Variants in MCUR1 observed in about 807,000 individuals in gnomAD.
MCUR1 encodes the protein MCU regulator 1.
In MCUR1, 37 loss-of-function variants were observed where a neutral mutation model predicts 42.0. The observed-to-expected ratio is 0.88, with a 90% confidence interval of 0.68 to 1.16. The LOEUF (loss-of-function observed/expected upper bound fraction) is 1.16. Ranked by LOEUF, MCUR1 falls within the 50% of genes most tolerant of loss-of-function variation. The pLI, the probability that MCUR1 is intolerant of heterozygous loss-of-function variation, is 0.00. For synonymous variants in MCUR1, 229 were observed against 196.2 expected (o/e 1.17, Z -1.40); for missense variants, 469 against 468.4 (o/e 1.00, Z -0.01).
intron 6 of MCUR1, among the ~76,000 whole-genome samples, chr6:13,797,170 A>G (rs1021883189): frequency 6.6e-6 from 1 of 152,214 alleles, no homozygotes; most frequent in African/African-American, 2.4e-5. Flanking sequence ...TCATTATAGC[A>G]CATTTTATCT....
chr6:13,797,783 G>A (rs944517157), intron 6 of MCUR1, among the ~76,000 whole-genome samples: 1 of 152,026 alleles, frequency 6.6e-6, no homozygotes, highest in African/African-American at 2.4e-5. Context: ...CAGCACTTTA[G>A]GAGGACAAGG....
chr6:13,795,743 T>C (rs750894602), intron 6 of MCUR1, among the ~76,000 whole-genome samples: 1 of 151,694 alleles, frequency 6.6e-6, no homozygotes, highest in African/African-American at 2.4e-5. Context: ...GGGGAAAGGG[T>C]AGGAGGTGGG....
rs957999445 is a variant in MCUR1, at chr6:13,787,177, T to C, written c.*3632A>G. On this transcript the variant is annotated 3_prime_UTR_variant, in exon 9 of 9. Transcript: ENST00000379170. ...AAGGAGAAGGCTAGAAGAGGGAAGA[T>C]TATGTCACTAAGCATAGCTACAAAA... 1 of 151,942 alleles carries C rather than the reference T, an allele frequency of 6.6e-6. No homozygotes were observed. The highest frequency in any genetic ancestry group is 1.5e-5 in the Non-Finnish European group (1 of 68,002). 9.4% of individuals were successfully genotyped at this position (151,942 alleles called of 1,614,324 possible).
At chr6:13,812,189 T>A (rs937615777) in intron 1 of MCUR1, among the ~76,000 whole-genome samples, 4 of 152,082 alleles carry the variant, frequency 2.6e-5, no homozygotes, top group African/African-American at 9.7e-5. Context: ...GGCCCAAAGG[T>A]AGCCTTGGAC....
rs893133380 is a variant in MCUR1, at chr6:13,803,952, T to C, written c.536-1606A>G. The C allele has an allele frequency of 3.2e-6, 3 of 931,138 alleles. No homozygotes were observed. The Admixed American group carries it at 1.9e-4, about 58-fold the overall frequency. 57.7% of individuals were successfully genotyped at this position (931,138 alleles called of 1,614,324 possible). A position where few individuals can be genotyped will look rare whatever the true frequency, so the allele number is the denominator to read the frequency against. ...TTCAGAACCAGCATGGGCAACATAG[T>C]GATCCCATCTCCATTTTAATGTAAA... On this transcript the variant is annotated intron_variant, in intron 2 of 8. Coordinates refer to ENST00000379170, the MANE Select transcript of MCUR1 (RefSeq NM_001031713.4).
chr6:13,810,354 GAACA>G (rs1014180427), intron 1 of MCUR1, among the ~76,000 whole-genome samples: 28 of 152,090 alleles, frequency 1.8e-4, no homozygotes, highest in African/African-American at 2.7e-4. Context: ...AAAAAAAGAT[GAACA>G]ATCAAAAGAA....
rs1759963034 is a variant in MCUR1 at position 13,800,331 on chromosome 6, T to G, written c.783+10A>C. The G allele has an allele frequency of 6.4e-7, 1 of 1,558,056 alleles. No individual in the cohort carries two copies. Among genetic ancestry groups the G allele is most frequent in the African/African-American group, 1.4e-5 (1 of 72,724 alleles). On this transcript the variant is annotated intron_variant, in intron 5 of 8. Transcript: ENST00000379170. ...ACAAACCAGCCAACAAACAGGAAAG[T>G]GAATCTTACCATTACTTGTTGTTTT...
At position 13,787,530 on chromosome 6, in the gene MCUR1, A is replaced by G. The variant is rs1759629583; in HGVS notation, c.*3279T>C. The G allele has an allele frequency of 6.6e-6, 1 of 152,156 alleles. No homozygotes were observed. Among genetic ancestry groups the G allele is most frequent in the Non-Finnish European group, 1.5e-5 (1 of 68,048 alleles). 9.4% of individuals were successfully genotyped at this position (152,156 alleles called of 1,614,324 possible). ...GGAGAGCATGGAAATCGGAGTTCAG[A>G]CTCTTTAGAAAAGACAAAAGGCAGG... On this transcript the variant is annotated 3_prime_UTR_variant, in exon 9 of 9. Transcript: ENST00000379170.
chr6:13,813,176 T>C (rs1760275211), intron 1 of MCUR1, among the ~76,000 whole-genome samples: 1 of 152,210 alleles, frequency 6.6e-6, no homozygotes, highest in Non-Finnish European at 1.5e-5. Flanking sequence ...TCCAGGTTTG[T>C]GTAAGCACAC....
rs1759618427 is a variant in MCUR1 at position 13,786,967 on chromosome 6, G to C, written c.*3842C>G. ...TTCTGGTTAACATGTTTTTGCCTTA[G>C]TGCCAAAAAAGCCAGAACAAATTTG... On this transcript the variant is annotated 3_prime_UTR_variant, in exon 9 of 9. Coordinates refer to ENST00000379170, the MANE Select transcript of MCUR1 (RefSeq NM_001031713.4). 1 of 152,064 alleles carries C rather than the reference G, an allele frequency of 6.6e-6. No homozygotes were observed. The highest frequency in any genetic ancestry group is 2.1e-4 in the South Asian group (1 of 4,832). The allele number at this position is 152,064 out of a possible 1,614,324, so 9.4% of individuals were successfully genotyped here. A position where few individuals can be genotyped will look rare whatever the true frequency, so the allele number is the denominator to read the frequency against.
intron 1 of MCUR1, among the ~76,000 whole-genome samples, chr6:13,807,751 G>A (rs951678420): frequency 2.6e-5 from 4 of 152,162 alleles, no homozygotes; most frequent in African/African-American, 9.7e-5. Context: ...AGCAGCGCAC[G>A]AGGGTCTCAA....
chr6:13,791,282 A>C (rs760695562), intron 8 of MCUR1, among the ~76,000 whole-genome samples: 14 of 152,346 alleles, frequency 9.2e-5, no homozygotes, highest in Non-Finnish European at 2.1e-4. Context: ...CGAATAGCAA[A>C]AATTCTGTGG....
In MCUR1 at chr6:13,787,638, G is replaced by T. The variant is rs1301556334; in HGVS notation, c.*3171C>A. On this transcript the variant is annotated 3_prime_UTR_variant, in exon 9 of 9. Transcript: ENST00000379170. ...TCGTGCAGGAGAGGGAAATACAGAC[G>T]TTCCGTCCATGTGAGATTCTGCTTC... The T allele has an allele frequency of 6.6e-6, 1 of 152,154 alleles. No homozygotes were observed. The highest frequency in any genetic ancestry group is 1.9e-4 in the East Asian group (1 of 5,188). The allele number at this position is 152,154 out of a possible 1,614,324, so 9.4% of individuals were successfully genotyped here. A position where few individuals can be genotyped will look rare whatever the true frequency, so the allele number is the denominator to read the frequency against.
intron 5 of MCUR1, among the ~76,000 whole-genome samples, chr6:13,799,376 G>T (rs940830625): frequency 6.6e-6 from 1 of 152,146 alleles, no homozygotes; most frequent in Non-Finnish European, 1.5e-5. Context: ...GTAGAGATGG[G>T]GTTTCACCAT....
At chr6:13,808,653 A>C (rs1372518378) in intron 1 of MCUR1, among the ~76,000 whole-genome samples, 1 of 152,198 alleles carries the variant, frequency 6.6e-6, no homozygotes, top group East Asian at 1.9e-4. Context: ...TAGCTCTTAC[A>C]TTGAGGTCTT....
chr6:13,799,020 C>T (rs1696310176), intron 5 of MCUR1, 116 bp from the exon 6 acceptor site: 1 of 637,366 alleles, frequency 1.6e-6, no homozygotes, highest in Non-Finnish European at 2.8e-6. Flanking sequence ...CGAGGCAACC[C>T]AGGGAGGGAG....
intron 8 of MCUR1, among the ~76,000 whole-genome samples, chr6:13,791,327 G>C (rs546084515): frequency 8.9e-4 from 135 of 152,304 alleles, no homozygotes; most frequent in African/African-American, 3.2e-3. Context: ...ATAGAGACAG[G>C]AAGACACAAT....
rs1196812659 is a variant in MCUR1, at chr6:13,806,942, C to T, written c.518G>A (p.Cys173Tyr). 6.2e-7 allele frequency: 1 copy of T among 1,609,142 alleles called. No homozygotes were observed. The highest frequency in any genetic ancestry group is 1.3e-5 in the African/African-American group (1 of 74,750). ...KLYFDTHALVCLLEDNGFATQ... is the reference protein window; with the variant it reads ...KLYFDTHALVYLLEDNGFATQ... ...AGGATTACCATTGTCTTCCAGTAAG[C>T]ACACTAAGGCATGAGTGTCGAAGTA... is the stretch of plus-strand genomic sequence containing the variant. Residue 173 changes from cysteine to tyrosine, a missense_variant, in exon 2 of 9, where the codon TGC becomes TAC. Cys to Tyr is a radical substitution (Grantham distance 194). Coordinates refer to ENST00000379170, the MANE Select transcript of MCUR1 (RefSeq NM_001031713.4).
intron 6 of MCUR1, among the ~76,000 whole-genome samples, chr6:13,797,521 A>C (rs1561731089): frequency 6.6e-6 from 1 of 151,278 alleles, no homozygotes; most frequent in Non-Finnish European, 1.5e-5. Context: ...ATCCTGGCTA[A>C]CACGGTGAAA....
Sources: allele counts gnomAD v4.1 joint callset (sites outside exome capture counted in the v4.1 genomes callset), GRCh38; gene constraint gnomAD v4.1.1; transcripts MANE v1.5; gene names NCBI Gene and HGNC (gene_info 2026-07-23, HGNC 2026-07-21).